The following RPN1 variants were observed in gnomAD, a reference collection of about 807,000 sequenced individuals.
RPN1 encodes the protein ribophorin I, also known as dolichyl-diphosphooligosaccharide--protein glycosyltransferase subunit 1.
A neutral mutation model predicts 55.5 loss-of-function variants in RPN1; 12 were observed. The observed-to-expected ratio is 0.22, with a 90% confidence interval of 0.14 to 0.35. RPN1 has a LOEUF of 0.35. Ranked by LOEUF, RPN1 falls within the 10% of genes least tolerant of loss-of-function variation. The probability of loss-of-function intolerance (pLI) is 1.00; values close to 1 mark genes in which losing one functional copy is unlikely to be tolerated. For missense variants in RPN1, 679 were observed against 761.3 expected, an observed-to-expected ratio of 0.89 and a Z score of 1.27; for synonymous variants, 317 against 305.9, an observed-to-expected ratio of 1.04 and a Z score of -0.38.
Position 128,625,881 on chromosome 3 carries a change from T to C in RPN1, c.1268A>G (p.Asp423Gly). 1 of 1,611,426 alleles carries C rather than the reference T, an allele frequency of 6.2e-7. No homozygotes were observed. The highest frequency in any genetic ancestry group is 8.5e-7 in the Non-Finnish European group (1 of 1,178,660). The change falls in exon 7 of 10, where the codon GAC becomes GGC. Residue 423 changes from aspartate to glycine, a missense_variant. Coordinates refer to ENST00000296255, the MANE Select transcript of RPN1 (RefSeq NM_002950.4). Reference sequence around the variant, plus strand: ...AACAGTGGAGCCACTCACCACAATGTCCTGAATGTGCTGTTCTACCAGATT... The same window carrying C: ...AACAGTGGAGCCACTCACCACAATGCCCTGAATGTGCTGTTCTACCAGATT... The part of the protein sequence containing the change: ...KKNLVEQHIQ[D>G]IVVHYTFNKV...
intron 2 of RPN1, among the ~76,000 whole-genome samples, chr3:128,639,040 T>C (rs1187492419): frequency 6.6e-6 from 1 of 152,082 alleles, no homozygotes; most frequent in Non-Finnish European, 1.5e-5. Flanking sequence ...CACAATAGAA[T>C]ATTGGCAGTC....
At chr3:128,626,957 A>T in intron 5 of RPN1, 125 bp from the exon 6 acceptor site, 1 of 776,432 alleles carries the variant, frequency 1.3e-6, no homozygotes, top group Admixed American at 2.2e-5. Context: ...CCCACGGACC[A>T]TGTTTACAAC....
chr3:128,638,163 T>C (rs1485045730), intron 2 of RPN1, 58 bp from the exon 3 acceptor site: 107 of 1,338,614 alleles, frequency 8.0e-5, no homozygotes, highest in Non-Finnish European at 1.0e-4. Context: ...AAAACAGTAG[T>C]AGCAGTTCAA....
intron 5 of RPN1, among the ~76,000 whole-genome samples, chr3:128,629,684 A>G (rs2069627671): frequency 6.6e-6 from 1 of 152,208 alleles, no homozygotes; most frequent in African/African-American, 2.4e-5. Flanking sequence ...CTCAAAAACT[A>G]TTTAAAGGAA....
Position 128,630,037 on chromosome 3 carries a change from C to T in RPN1, c.950G>A (p.Arg317Gln), listed in dbSNP as rs768230951. Residue 317 changes from arginine (R) to glutamine (Q), a missense_variant, in exon 5 of 10, where the codon CGG becomes CAG. This residue lies in a region of RPN1 where 21 missense variants were observed against 48.6 expected (regional missense o/e 0.43). Coordinates refer to ENST00000296255, the MANE Select transcript of RPN1 (RefSeq NM_002950.4). The stretch of plus-strand genomic sequence containing the variant: ...CCCGCCAAAGAGAGGGAAGCGAGGC[C>T]GGATTTCCATCTCTACAGAGTCATC... ...ILDDSVEMEI[R>Q]PRFPLFGGWK... 1.3e-5 allele frequency: 21 copies of T among 1,613,550 alleles called. No individual in the cohort carries two copies. Among genetic ancestry groups the T allele is most frequent in the Non-Finnish European group, 1.5e-5 (18 of 1,179,542 alleles).
At chr3:128,628,329 A>C (rs899649482) in intron 5 of RPN1, among the ~76,000 whole-genome samples, 7 of 152,238 alleles carry the variant, frequency 4.6e-5, no homozygotes, top group African/African-American at 7.2e-5. Context: ...AAAATGATAG[A>C]AATCAGGAAA....
At chr3:128,625,087 G>A (rs143895235) in intron 8 of RPN1, among the ~76,000 whole-genome samples, 18 of 152,258 alleles carry the variant, frequency 1.2e-4, no homozygotes, top group Admixed American at 2.6e-4. Flanking sequence ...AAGGAGCCAC[G>A]GAGCCTGTCA....
At chr3:128,650,154 T>G (rs2069805201) in intron 1 of RPN1, among the ~76,000 whole-genome samples, 1 of 152,210 alleles carries the variant, frequency 6.6e-6, no homozygotes, top group African/African-American at 2.4e-5. Flanking sequence ...GCGCTCGCCT[T>G]ACGGAAGGGA....
At chr3:128,649,788 G>C (rs963469623) in intron 1 of RPN1, among the ~76,000 whole-genome samples, 4 of 152,300 alleles carry the variant, frequency 2.6e-5, no homozygotes, top group Admixed American at 2.6e-4. Context: ...AAGCAGCAGG[G>C]GGAAGGGAGA....
intron 2 of RPN1, among the ~76,000 whole-genome samples, chr3:128,644,158 G>C (rs1323882101): frequency 6.6e-6 from 1 of 152,168 alleles, no homozygotes; most frequent in Non-Finnish European, 1.5e-5. Flanking sequence ...TACTTGCTGA[G>C]GCAAACAGCT....
chr3:128,630,297 T>C (rs892755577), intron 4 of RPN1, among the ~76,000 whole-genome samples, 154 bp from the exon 5 acceptor site: 2 of 152,290 alleles, frequency 1.3e-5, no homozygotes, highest in Non-Finnish European at 1.5e-5. Flanking sequence ...AGTCTAACTT[T>C]CCCCACAAAG....
intron 8 of RPN1, among the ~76,000 whole-genome samples, chr3:128,624,432 A>G (rs901215254): frequency 2.0e-5 from 3 of 151,724 alleles, no homozygotes; most frequent in Admixed American, 2.0e-4. Flanking sequence ...GCAAGCTGAG[A>G]GCGCACCACT....
intron 7 of RPN1, 100 bp from the exon 8 acceptor site, chr3:128,625,753 C>T (rs544324710): frequency 6.3e-7 from 1 of 1,575,872 alleles, no homozygotes; most frequent in South Asian, 1.1e-5. Flanking sequence ...CACCCCAAGA[C>T]CAGAAGACGC....
In RPN1 at chr3:128,635,612, GATATATATATATATAT is replaced by G. The variant is rs112246211; in HGVS notation, c.633+2171_633+2186del. 8.0e-5 allele frequency among the ~76,000 whole-genome samples: 10 copies of G among 125,724 alleles called. 2 individuals carry two copies. The highest frequency in any genetic ancestry group is 4.4e-4 in the East Asian group (2 of 4,592). The allele number at this position is 125,724 out of a possible 152,430, so 82.5% of individuals were successfully genotyped here. A position where few individuals can be genotyped will look rare whatever the true frequency, so the allele number is the denominator to read the frequency against. On this transcript the variant is annotated intron_variant, in intron 3 of 9. Coordinates refer to ENST00000296255, the MANE Select transcript of RPN1 (RefSeq NM_002950.4). ...CAGTGCGCCTGCCCCTATAACTTGA[GATATATATATATATAT>G]ATATATATATAGATATATATATATA...
At chr3:128,626,640 A>G in intron 6 of RPN1, 93 bp downstream of exon 6, 1 of 1,086,078 alleles carries the variant, frequency 9.2e-7, no homozygotes, top group Middle Eastern at 2.0e-4. Context: ...AGTGACACAA[A>G]GACTGTGCCC....
Position 128,636,501 on chromosome 3 carries a change from AAC to A in RPN1, c.633+1296_633+1297del, listed in dbSNP as rs1559756217. On this transcript the variant is annotated intron_variant, in intron 3 of 9. Transcript: ENST00000296255. ...AAATAAAGACAAAAAAAAAAAAAGA[AAC>A]AATTATTTCAAGTAGCATTAGAACA... 4.0e-5 allele frequency among the ~76,000 whole-genome samples: 6 copies of A among 150,848 alleles called. No homozygotes were observed. In the East Asian group the frequency reaches 7.8e-4, roughly 20 times the overall value.
rs755478117 is a variant in RPN1, at chr3:128,632,167, A to G, written c.634-10T>C. 28 of 1,613,880 alleles carry G rather than the reference A, an allele frequency of 1.7e-5. No homozygotes were observed. Among genetic ancestry groups the G allele is most frequent in the Non-Finnish European group, 1.7e-6 (2 of 1,179,860 alleles). On this transcript the variant is annotated splice_polypyrimidine_tract_variant and intron_variant, in intron 3 of 9. Transcript: ENST00000296255. ...GTACTTTAAAAGTATCCTGGAAGGA[A>G]GGAAACAAATAGTTCAAAGTTTTGG...
At chr3:128,637,655 T>C in intron 3 of RPN1, 144 bp downstream of exon 3, 2 of 781,564 alleles carry the variant, frequency 2.6e-6, no homozygotes, top group South Asian at 3.5e-5. Context: ...GTCATTTCAC[T>C]GCAGGTTAAA....
intron 1 of RPN1, among the ~76,000 whole-genome samples, chr3:128,647,096 C>T (rs2069774629): frequency 6.6e-6 from 1 of 152,048 alleles, no homozygotes; most frequent in Admixed American, 6.6e-5. Flanking sequence ...CTCCAGCAGG[C>T]TGCAGGGGTT....
Sources: allele counts gnomAD v4.1 joint callset (sites outside exome capture counted in the v4.1 genomes callset), GRCh38; gene constraint gnomAD v4.1.1; regional missense constraint gnomAD v4.1.1; transcripts MANE v1.5; gene names NCBI Gene and HGNC (gene_info 2026-07-23, HGNC 2026-07-21).